The following ALPK1 variants were observed in gnomAD, a reference collection of about 807,000 sequenced individuals.
The protein encoded by ALPK1 is alpha-protein kinase 1.
Under a neutral mutation model 120.6 loss-of-function variants are expected in ALPK1, and 110 were observed. The ratio of observed to expected loss-of-function variants is 0.91; its 90% confidence interval spans 0.78 to 1.07. The LOEUF is 1.07. ALPK1 is among the 50% of genes least tolerant of loss of function. The pLI, the probability that ALPK1 is intolerant of heterozygous loss-of-function variation, is 0.00. For missense variants in ALPK1, 1,498 were observed against 1,483.9 expected, an observed-to-expected ratio of 1.01 and a Z score of -0.16; for synonymous variants, 582 against 560.3, an observed-to-expected ratio of 1.04 and a Z score of -0.55.
At chr4:112,391,857 A>T (rs559347408) in intron 4 of ALPK1, among the ~76,000 whole-genome samples, 1 of 152,278 alleles carries the variant, frequency 6.6e-6, no homozygotes, top group Admixed American at 6.5e-5. Context: ...TAACATACCA[A>T]GTGCATATGT....
intron 2 of ALPK1, among the ~76,000 whole-genome samples, chr4:112,325,307 T>C (rs1286704120): frequency 6.6e-6 from 1 of 152,196 alleles, no homozygotes; most frequent in African/African-American, 2.4e-5. Context: ...CAGCCATGAT[T>C]TTTTTCCCCA....
At chr4:112,321,624 G>A (rs972887220) in intron 2 of ALPK1, among the ~76,000 whole-genome samples, 1 of 152,116 alleles carries the variant, frequency 6.6e-6, no homozygotes, top group Non-Finnish European at 1.5e-5. Flanking sequence ...TCAGGAGCAG[G>A]TTATTTAATT....
chr4:112,391,981 A>G (rs2148735198), intron 4 of ALPK1, among the ~76,000 whole-genome samples: 1 of 151,382 alleles, frequency 6.6e-6, no homozygotes, highest in Non-Finnish European at 1.5e-5. Context: ...AAAAAAAAAC[A>G]GAATTTGTTC....
intron 5 of ALPK1, chr4:112,414,257 C>T (rs1241465671): frequency 4.1e-6 from 2 of 492,994 alleles, no homozygotes; most frequent in Non-Finnish European, 4.1e-6. Context: ...TCCTGGTATC[C>T]ACCACAGGAT....
chr4:112,357,013 C>T (rs1432598825), intron 2 of ALPK1: 4 of 788,460 alleles, frequency 5.1e-6, no homozygotes, highest in Non-Finnish European at 6.9e-6. Flanking sequence ...AGGGCCAGCC[C>T]CAACCGGAGT....
At chr4:112,356,641 C>A (rs1178968308) in intron 2 of ALPK1, 2 of 810,158 alleles carry the variant, frequency 2.5e-6, no homozygotes, top group African/African-American at 1.7e-5. Context: ...GCAAGTCGCT[C>A]TGTCATTTCT....
chr4:112,311,781 G>C (rs2110532608), intron 1 of ALPK1, among the ~76,000 whole-genome samples: 2 of 152,224 alleles, frequency 1.3e-5, no homozygotes, highest in East Asian at 3.8e-4. Flanking sequence ...ATAAAGGTTA[G>C]CACTCACTGA....
At chr4:112,425,642 G>A (rs1278256301) in intron 6 of ALPK1, 23 bp from the exon 7 acceptor site, 3 of 1,592,384 alleles carry the variant, frequency 1.9e-6, no homozygotes, top group Non-Finnish European at 2.6e-6. Context: ...ATAATTCAAG[G>A]GAATTTTCAT....
chr4:112,334,432 CA>C (rs34230609), intron 2 of ALPK1, among the ~76,000 whole-genome samples: 130 of 120,746 alleles, frequency 1.1e-3, no homozygotes, highest in Non-Finnish European at 1.3e-3. Flanking sequence ...GACTCTGCCT[CA>C]AAAAAAAAAA....
intron 4 of ALPK1, among the ~76,000 whole-genome samples, chr4:112,396,132 A>G (rs1388289002): frequency 6.6e-6 from 1 of 152,206 alleles, no homozygotes; most frequent in Non-Finnish European, 1.5e-5. Flanking sequence ...TAGTACCTAA[A>G]CCACAATGAA....
chr4:112,339,573 C>T (rs998811267), intron 2 of ALPK1, among the ~76,000 whole-genome samples: 2 of 152,110 alleles, frequency 1.3e-5, no homozygotes, highest in African/African-American at 4.8e-5. Context: ...GGAATGTCAT[C>T]AGTAGAATAT....
chr4:112,307,761 T>C (rs1728172733), intron 1 of ALPK1, among the ~76,000 whole-genome samples: 1 of 152,122 alleles, frequency 6.6e-6, no homozygotes, highest in African/African-American at 2.4e-5. Context: ...AAGGCTAATA[T>C]TGTTATGTGT....
intron 2 of ALPK1, among the ~76,000 whole-genome samples, chr4:112,341,482 C>T (rs1011745371): frequency 8.5e-5 from 13 of 152,200 alleles, no homozygotes; most frequent in Non-Finnish European, 1.3e-4. Flanking sequence ...GGAAGTGCTT[C>T]AGTAGTATAT....
chr4:112,372,452 A>G (rs1731458789), intron 2 of ALPK1, among the ~76,000 whole-genome samples: 1 of 151,994 alleles, frequency 6.6e-6, no homozygotes, highest in African/African-American at 2.4e-5. Context: ...TTCATGGTCC[A>G]CCTGCATTGG....
At chr4:112,337,344 A>C (rs1460707087) in intron 2 of ALPK1, among the ~76,000 whole-genome samples, 5 of 152,168 alleles carry the variant, frequency 3.3e-5, no homozygotes, top group Non-Finnish European at 7.3e-5. Flanking sequence ...TGGTGGCATT[A>C]AGTCTGGAAA....
chr4:112,430,485 C>G lies in ALPK1; in HGVS notation c.938C>G (p.Ser313Ter). Reference protein sequence around the residue: ...RGTCLLSYSSSNDCPPELKNL... With the variant: ...RGTCLLSYSS ...ACGTGTTTATTGTCCTACAGTAGTT[C>G]AAATGACTGTCCTCCAGAATTGAAA... The change falls in exon 11 of 16, where the codon TCA becomes TGA. Residue 313 changes from serine to a stop codon, truncating the protein, a stop_gained. Transcript: ENST00000650871. LOFTEE classifies it high-confidence loss of function. 6.2e-7 allele frequency: 1 copy of G among 1,612,534 alleles called. No individual in the cohort carries two copies. The highest frequency in any genetic ancestry group is 8.5e-7 in the Non-Finnish European group (1 of 1,179,316).
intron 2 of ALPK1, among the ~76,000 whole-genome samples, chr4:112,329,115 A>G (rs1729246188): frequency 6.6e-6 from 1 of 152,200 alleles, no homozygotes; most frequent in Non-Finnish European, 1.5e-5. Flanking sequence ...GTAGGTACCT[A>G]TGAAAATGTT....
In ALPK1 at chr4:112,431,514, A is replaced by T; in HGVS notation, c.1967A>T (p.Asp656Val). The change falls in exon 11 of 16, where the codon GAC (aspartate) becomes GTC (valine). Residue 656 changes from aspartate (D) to valine (V), a missense_variant. Coordinates refer to ENST00000650871, the MANE Select transcript of ALPK1 (RefSeq NM_025144.4). ...CTCTCTCTTCAGGAACCCAACAATG[A>T]CAATTTGGAGCCTTCTCAAAATCAG... ...HDLSLQEPNN[D>V]NLEPSQNQPQ... The T allele has an allele frequency of 6.2e-7, 1 of 1,614,186 alleles. No individual in the cohort carries two copies. The highest frequency in any genetic ancestry group is 2.2e-5 in the East Asian group (1 of 44,878).
chr4:112,406,405 G>T (rs1031595406), intron 4 of ALPK1, among the ~76,000 whole-genome samples: 2 of 152,160 alleles, frequency 1.3e-5, no homozygotes, highest in Non-Finnish European at 2.9e-5. Flanking sequence ...CTAATACGAG[G>T]TATCTAAAGT....
Sources: gnomAD v4.1 joint callset for allele counts (sites outside exome capture counted in the v4.1 genomes callset) on GRCh38, gnomAD v4.1.1 for gene constraint, MANE v1.5 for transcripts, NCBI Gene and HGNC (gene_info 2026-07-23, HGNC 2026-07-21) for gene names.